The following PARL variants were observed in gnomAD, a reference collection of about 807,000 sequenced individuals.
The protein encoded by PARL is presenilin associated rhomboid like.
A neutral mutation model predicts 51.6 loss-of-function variants in PARL; 44 were observed. The observed-to-expected ratio is 0.85, with a 90% CI of 0.67 to 1.10. The LOEUF is 1.10. PARL is among the 50% of genes least tolerant of loss of function. PARL has a pLI of 0.00. For synonymous variants in PARL, 172 were observed against 164.0 expected (o/e 1.05, Z -0.37); for missense variants, 441 against 469.5 (o/e 0.94, Z 0.56).
At position 183,837,632 on chromosome 3, in the gene PARL, T is replaced by C. The variant is rs371437346; in HGVS notation, c.828+2938A>G. Among the ~76,000 whole-genome samples, 20 of 152,288 alleles carry C rather than the reference T, an allele frequency of 1.3e-4. No individual in the cohort carries two copies. The East Asian group carries it at 1.9e-3, about 15-fold the overall frequency. On this transcript the variant is annotated intron_variant, in intron 7 of 9. Coordinates refer to ENST00000317096, the MANE Select transcript of PARL (RefSeq NM_018622.7). ...GGCGGCTGAGTGAGGAACCTGGACGTCTACTCCTACACCCAGCAGTAACGA... is the reference window on the plus strand; with the variant it reads ...GGCGGCTGAGTGAGGAACCTGGACGCCTACTCCTACACCCAGCAGTAACGA...
At chr3:183,868,995 C>T (rs1438578306) in intron 1 of PARL, among the ~76,000 whole-genome samples, 1 of 152,158 alleles carries the variant, frequency 6.6e-6, no homozygotes, top group Non-Finnish European at 1.5e-5. Flanking sequence ...TCTAACACTA[C>T]TGATCATGCC....
At chr3:183,874,025 G>A (rs894340578) in intron 1 of PARL, among the ~76,000 whole-genome samples, 3 of 152,132 alleles carry the variant, frequency 2.0e-5, no homozygotes, top group Non-Finnish European at 4.4e-5. Context: ...AAGGTTTGTG[G>A]CAACCATACA....
intron 4 of PARL, among the ~76,000 whole-genome samples, chr3:183,851,629 G>A (rs956955092): frequency 5.3e-5 from 8 of 151,826 alleles, no homozygotes; most frequent in African/African-American, 1.7e-4. Context: ...ATATAATAAA[G>A]GCAACAAAAT....
At chr3:183,840,687 G>A (rs774822091) in intron 6 of PARL, 47 bp from the exon 7 acceptor site, 1 of 955,172 alleles carries the variant, frequency 1.0e-6, no homozygotes, top group Non-Finnish European at 1.6e-6. Flanking sequence ...GTATAAAAAT[G>A]GTTTACTTTT....
At chr3:183,882,249 A>ATATATATATT (rs1734586741) in intron 1 of PARL, among the ~76,000 whole-genome samples, 1 of 43,904 alleles carries the variant, frequency 2.3e-5, no homozygotes, top group South Asian at 6.5e-4. Flanking sequence ...ATATATTTAT[A>ATATATATATT]TATATATATA....
At chr3:183,833,922 A>G in intron 7 of PARL, 97 bp from the exon 8 acceptor site, 1 of 802,012 alleles carries the variant, frequency 1.2e-6, no homozygotes, top group Admixed American at 1.9e-5. Context: ...GAAAGTTTAC[A>G]TGCTGCACAT....
At chr3:183,871,391 T>G (rs1733192295) in intron 1 of PARL, among the ~76,000 whole-genome samples, 1 of 152,014 alleles carries the variant, frequency 6.6e-6, no homozygotes, top group South Asian at 2.1e-4. Context: ...CAATTCCAGC[T>G]GGGGTGCTGT....
intron 3 of PARL, among the ~76,000 whole-genome samples, chr3:183,864,470 T>C (rs1732206140): frequency 6.6e-6 from 1 of 151,972 alleles, no homozygotes; most frequent in African/African-American, 2.4e-5. Flanking sequence ...CAATATGTAT[T>C]GGTGAATAAA....
At chr3:183,836,400 T>C (rs943520616) in intron 7 of PARL, among the ~76,000 whole-genome samples, 1 of 152,190 alleles carries the variant, frequency 6.6e-6, no homozygotes, top group Non-Finnish European at 1.5e-5. Flanking sequence ...ATCATCCTTC[T>C]AGAATTTTCT....
intron 1 of PARL, among the ~76,000 whole-genome samples, chr3:183,875,844 A>G (rs554213735): frequency 1.3e-5 from 2 of 152,322 alleles, no homozygotes; most frequent in African/African-American, 4.8e-5. Flanking sequence ...CCTGGCTTCA[A>G]AGCTTCAAAG....
intron 9 of PARL, among the ~76,000 whole-genome samples, chr3:183,830,037 G>A (rs897921404): frequency 6.6e-6 from 1 of 152,188 alleles, no homozygotes; most frequent in African/African-American, 2.4e-5. Context: ...GTTTGTCCAA[G>A]GTGCTAATAG....
At chr3:183,862,660 G>A (rs759817695) in intron 4 of PARL, 93 bp downstream of exon 4, 82 of 922,886 alleles carry the variant, frequency 8.9e-5, no homozygotes, top group Non-Finnish European at 1.3e-4. Flanking sequence ...CCACTGGTGA[G>A]CATGGTACAA....
At chr3:183,882,222 AAT>A (rs1235101986) in intron 1 of PARL, among the ~76,000 whole-genome samples, 1,792 of 45,908 alleles carry the variant, frequency 0.039, 41 homozygotes, top group African/African-American at 0.076. Flanking sequence ...AAAAAAAAAA[AAT>A]ATATATATAT....
chr3:183,862,746 C>T lies in PARL; in HGVS notation c.511+7G>A. The T allele has an allele frequency of 1.2e-6, 2 of 1,611,322 alleles. No homozygotes were observed. Among genetic ancestry groups the T allele is most frequent in the Non-Finnish European group, 1.7e-6 (2 of 1,177,454 alleles). On this transcript the variant is annotated splice_region_variant and intron_variant, in intron 4 of 9. Coordinates refer to ENST00000317096, the MANE Select transcript of PARL (RefSeq NM_018622.7). ...TGAATGGTTAAAACGTGTAAGCTAA[C>T]ACAAACCTGTCACAGTCCGCTGGCC...
At chr3:183,855,162 G>A (rs187210518) in intron 4 of PARL, among the ~76,000 whole-genome samples, 1 of 152,110 alleles carries the variant, frequency 6.6e-6, no homozygotes, top group African/African-American at 2.4e-5. Context: ...AGGAGGGAAT[G>A]GGGGAGTGAC....
At position 183,832,851 on chromosome 3, in the gene PARL, G is replaced by A. The variant is rs145397672; in HGVS notation, c.1028+641C>T. On this transcript the variant is annotated intron_variant, in intron 9 of 9. Coordinates refer to ENST00000317096, the MANE Select transcript of PARL (RefSeq NM_018622.7). ...ATATGGTGTGGTGGGGGTGGAAAGG[G>A]CTTATAGAGGTGGGTTTACAGCTCT... Among the ~76,000 whole-genome samples, 26 of 152,272 alleles carry A rather than the reference G, an allele frequency of 1.7e-4. 1 individual carries two copies. In the East Asian group the frequency reaches 5.0e-3, roughly 29 times the overall value.
chr3:183,845,006 AAAACTAC>A (rs1219192345), intron 4 of PARL, among the ~76,000 whole-genome samples: 1 of 152,232 alleles, frequency 6.6e-6, no homozygotes, highest in Non-Finnish European at 1.5e-5. Flanking sequence ...ATTATTATTG[AAAACTAC>A]AAACTTCAAA....
chr3:183,881,506 T>G (rs570204466), intron 1 of PARL, among the ~76,000 whole-genome samples: 17 of 152,250 alleles, frequency 1.1e-4, no homozygotes, highest in Non-Finnish European at 1.9e-4. Context: ...TACTCAAGAT[T>G]TGTATGAACA....
chr3:183,842,441 A>G lies in PARL; in HGVS notation c.614T>C (p.Leu205Pro). ...TGTTGACAGCAACATTGGAGAACAA[A>G]GGACCTCTACAAGAGAGAGAAACAT... ...YFTSNPASKV[L>P]CSPMLLSTFS... Residue 205 changes from leucine to proline, a missense_variant, in exon 6 of 10, where the codon CTT (leucine) becomes CCT (proline). Coordinates refer to ENST00000317096, the MANE Select transcript of PARL (RefSeq NM_018622.7). 2.5e-6 allele frequency: 4 copies of G among 1,612,456 alleles called. No homozygotes were observed. The highest frequency in any genetic ancestry group is 1.1e-5 in the South Asian group (1 of 91,032).
Sources: allele counts gnomAD v4.1 joint callset (sites outside exome capture counted in the v4.1 genomes callset), GRCh38; gene constraint gnomAD v4.1.1; transcripts MANE v1.5; gene names NCBI Gene and HGNC (gene_info 2026-07-23, HGNC 2026-07-21).